The following KIF11 variants were observed in gnomAD, a reference collection of about 807,000 sequenced individuals.
KIF11 encodes kinesin family member 11.
KIF11 carries 9 observed loss-of-function variants against 121.0 expected under a neutral mutation model. The observed-to-expected ratio is 0.07, with a 90% CI of 0.04 to 0.13. The LOEUF is 0.13. Ranked by LOEUF, KIF11 falls within the 10% of genes least tolerant of loss-of-function variation. The pLI, the probability that KIF11 is intolerant of heterozygous loss-of-function variation, is 1.00. For synonymous variants in KIF11, 408 were observed against 421.0 expected (o/e 0.97, Z 0.38); for missense variants, 846 against 1,217.5 (o/e 0.69, Z 4.54).
chr10:92,631,052 G>T (rs185015011), intron 12 of KIF11, among the ~76,000 whole-genome samples: 2 of 150,384 alleles, frequency 1.3e-5, no homozygotes, highest in Admixed American at 1.3e-4. Context: ...TTGGGAGGCC[G>T]AGGTGGGTGG....
chr10:92,605,336 G>A (rs919007871), intron 1 of KIF11, among the ~76,000 whole-genome samples: 18 of 152,152 alleles, frequency 1.2e-4, no homozygotes, highest in Admixed American at 6.6e-5. Flanking sequence ...GAAACAATAA[G>A]TACCTGGCAC....
intron 18 of KIF11, among the ~76,000 whole-genome samples, 155 bp downstream of exon 18, chr10:92,645,797 G>A (rs746074777): frequency 1.3e-5 from 2 of 152,126 alleles, no homozygotes; most frequent in South Asian, 2.1e-4. Flanking sequence ...AGATGATCTC[G>A]TTTTGTGCTT....
At chr10:92,595,661 T>C (rs1334777489) in intron 1 of KIF11, among the ~76,000 whole-genome samples, 1 of 152,210 alleles carries the variant, frequency 6.6e-6, no homozygotes, top group Non-Finnish European at 1.5e-5. Flanking sequence ...CAACAATTAC[T>C]ACCATCCATC....
At chr10:92,638,004 T>A (rs7069680) in intron 16 of KIF11, among the ~76,000 whole-genome samples, 19,550 of 152,188 alleles carry the variant, frequency 0.13, 3,360 homozygotes, top group African/African-American at 0.39. Context: ...CTTTTAATTC[T>A]TATTGATTAT....
chr10:92,650,854 C>T (rs1413678732), intron 21 of KIF11, among the ~76,000 whole-genome samples: 1 of 152,026 alleles, frequency 6.6e-6, no homozygotes, highest in Non-Finnish European at 1.5e-5. Flanking sequence ...TGGAACCTAT[C>T]TCTGCCCATA....
At chr10:92,629,011 C>T (rs917373385) in intron 11 of KIF11, 116 bp downstream of exon 11, 23 of 577,106 alleles carry the variant, frequency 4.0e-5, no homozygotes, top group Non-Finnish European at 6.5e-5. Context: ...GACGGAGTCT[C>T]GCTCTGTCAC....
chr10:92,612,758 C>T (rs184773539), intron 6 of KIF11, among the ~76,000 whole-genome samples: 102 of 152,290 alleles, frequency 6.7e-4, no homozygotes, highest in African/African-American at 2.2e-3. Flanking sequence ...GCAACTGTTT[C>T]GACCCCACCC....
Position 92,607,371 on chromosome 10 carries a change from C to T in KIF11, c.387+134C>T, listed in dbSNP as rs1844441503. 4 of 578,506 alleles carry T rather than the reference C, an allele frequency of 6.9e-6. 1 individual carries two copies. The highest frequency in any genetic ancestry group is 1.2e-5 in the Non-Finnish European group (4 of 326,778). The allele number at this position is 578,506 out of a possible 1,614,324, so 35.8% of individuals were successfully genotyped here. A position where few individuals can be genotyped will look rare whatever the true frequency, so the allele number is the denominator to read the frequency against. On this transcript the variant is annotated intron_variant, in intron 4 of 21. Coordinates refer to ENST00000260731, the MANE Select transcript of KIF11 (RefSeq NM_004523.4). ...AAAATGAACTTAGGATAAACCACTACTACAGTAAAATTAAAGTGCATGGTA... is the reference window on the plus strand; with the variant it reads ...AAAATGAACTTAGGATAAACCACTATTACAGTAAAATTAAAGTGCATGGTA...
rs751829354 is a variant in KIF11, at chr10:92,637,560, G to C, written c.2160+15G>C. On this transcript the variant is annotated intron_variant, in intron 16 of 21. Transcript: ENST00000260731. ...CCCATTCCCAGGTATGTTGTTTAGC[G>C]GACTTGGGGAGTACAGAAAGAGAGT... is the stretch of plus-strand genomic sequence containing the variant. 2 of 1,591,938 alleles carry C rather than the reference G, an allele frequency of 1.3e-6. No homozygotes were observed. Among genetic ancestry groups the C allele is most frequent in the East Asian group, 4.5e-5 (2 of 44,632 alleles).
chr10:92,637,638 T>C (rs1564714925), intron 16 of KIF11, 93 bp downstream of exon 16: 24 of 1,274,174 alleles, frequency 1.9e-5, no homozygotes, highest in Non-Finnish European at 9.8e-6. Flanking sequence ...ACAATCTGAA[T>C]ACTGTAAAAG....
chr10:92,597,242 G>A, intron 1 of KIF11: 1 of 240,390 alleles, frequency 4.2e-6, no homozygotes, highest in Non-Finnish European at 8.6e-6. Context: ...CACCTTGGCT[G>A]CTGGGGTCAG....
Position 92,651,532 on chromosome 10 carries a change from T to A in KIF11, c.3039+1015T>A, listed in dbSNP as rs1403235341. On this transcript the variant is annotated intron_variant, in intron 21 of 21. Coordinates refer to ENST00000260731, the MANE Select transcript of KIF11 (RefSeq NM_004523.4). ...GTTTTTTTTTTTTTTTTTTTTTTTT[T>A]TTTTTTTTTTTTTTTTAGTAGAGGG... Among the ~76,000 whole-genome samples, 20 of 111,798 alleles carry A rather than the reference T, an allele frequency of 1.8e-4. No homozygotes were observed. The South Asian group carries it at 2.0e-3, about 11-fold the overall frequency. The allele number at this position is 111,798 out of a possible 152,430, so 73.3% of individuals were successfully genotyped here. A position where few individuals can be genotyped will look rare whatever the true frequency, so the allele number is the denominator to read the frequency against.
rs111305249 is a variant in KIF11 at position 92,601,208 on chromosome 10, C to CT, written c.78-5047dup. On this transcript the variant is annotated intron_variant, in intron 1 of 21. Coordinates refer to ENST00000260731, the MANE Select transcript of KIF11 (RefSeq NM_004523.4). ...ATGCCTTTTATTTTTATTTTTCTTC[C>CT]TTTTTTTTTTGAGATGGAGTCTCGC... is the stretch of plus-strand genomic sequence containing the variant. Among the ~76,000 whole-genome samples, 229 of 124,220 alleles carry CT rather than the reference C, an allele frequency of 1.8e-3. 1 individual carries two copies. Among genetic ancestry groups the CT allele is most frequent in the Admixed American group, 4.7e-3 (57 of 12,252 alleles). The allele number at this position is 124,220 out of a possible 152,430, so 81.5% of individuals were successfully genotyped here. A position where few individuals can be genotyped will look rare whatever the true frequency, so the allele number is the denominator to read the frequency against.
At chr10:92,632,795 C>G (rs1844753520) in intron 13 of KIF11, 102 bp downstream of exon 13, 1 of 616,306 alleles carries the variant, frequency 1.6e-6, no homozygotes, top group Admixed American at 3.2e-5. Context: ...CACCAATACT[C>G]TCTACCATGC....
chr10:92,640,508 T>A (rs1318369304), intron 17 of KIF11, among the ~76,000 whole-genome samples: 1 of 152,244 alleles, frequency 6.6e-6, no homozygotes, highest in Non-Finnish European at 1.5e-5. Flanking sequence ...CTCAGCTCAC[T>A]GCAAGCTCCG....
chr10:92,632,048 A>C (rs183703096), intron 12 of KIF11, among the ~76,000 whole-genome samples: 1 of 152,336 alleles, frequency 6.6e-6, no homozygotes, highest in Non-Finnish European at 1.5e-5. Flanking sequence ...TTATTGCAAT[A>C]ACTGAAAAAA....
At chr10:92,621,145 T>G (rs1844612913) in intron 9 of KIF11, among the ~76,000 whole-genome samples, 1 of 152,232 alleles carries the variant, frequency 6.6e-6, no homozygotes, top group South Asian at 2.1e-4. Context: ...TACTGGAGGT[T>G]GTGGTTTTTC....
chr10:92,606,195 T>C (rs1446050491), intron 1 of KIF11, 70 bp from the exon 2 acceptor site: 1 of 1,416,062 alleles, frequency 7.1e-7, no homozygotes, highest in Non-Finnish European at 9.3e-7. Context: ...ACAAATGTAG[T>C]TAGTGAAAAT....
chr10:92,602,833 T>TACACACACACACAC (rs770378243), intron 1 of KIF11, among the ~76,000 whole-genome samples: 2 of 119,024 alleles, frequency 1.7e-5, no homozygotes, highest in Admixed American at 8.4e-5. Context: ...CACGTGTGTG[T>TACACACACACACAC]GTGTGTGTGT....
Sources: allele counts gnomAD v4.1 joint callset (sites outside exome capture counted in the v4.1 genomes callset), GRCh38; gene constraint gnomAD v4.1.1; transcripts MANE v1.5; gene names NCBI Gene and HGNC (gene_info 2026-07-23, HGNC 2026-07-21).